The following PPARGC1A variants were observed in gnomAD, a reference collection of about 807,000 sequenced individuals.
PPARGC1A encodes the protein PPARG coactivator 1 alpha, also known as peroxisome proliferator-activated receptor gamma coactivator 1-alpha.
A neutral mutation model predicts 88.7 loss-of-function variants in PPARGC1A; 25 were observed. That is an observed-to-expected ratio of 0.28 (90% CI 0.21 to 0.39). The LOEUF (loss-of-function observed/expected upper bound fraction) is 0.39. PPARGC1A is among the 10% of genes least tolerant of loss of function. PPARGC1A has a pLI of 1.00. For synonymous variants in PPARGC1A, 363 were observed against 355.6 expected, an observed-to-expected ratio of 1.02 and a Z score of -0.24; for missense variants, 880 against 968.7, an observed-to-expected ratio of 0.91 and a Z score of 1.22.
chr4:24,360,984 T>A, the PPARGC1A span, among the ~76,000 whole-genome samples: 1 of 152,160 alleles, frequency 6.6e-6, no homozygotes, highest in Middle Eastern at 3.2e-3. Flanking sequence ...ACAAAGGAGA[T>A]GCCCCTTGAA....
At chr4:23,913,926 T>A in the PPARGC1A span, among the ~76,000 whole-genome samples, 1 of 152,180 alleles carries the variant, frequency 6.6e-6, no homozygotes. Context: ...ACGGTGAAGA[T>A]GAAAAAGACA....
At chr4:24,077,627 GTGTGTGTGTGTGT>G in the PPARGC1A span, among the ~76,000 whole-genome samples, 1 of 22,168 alleles carries the variant, frequency 4.5e-5, no homozygotes, top group East Asian at 4.7e-3. Context: ...GTCTAGGGGT[GTGTGTGTGTGTGT>G]GTGTGTGTGT....
intron 2 of PPARGC1A, among the ~76,000 whole-genome samples, chr4:23,867,548 T>C (rs1712286497): frequency 6.6e-6 from 1 of 152,192 alleles, no homozygotes; most frequent in South Asian, 2.1e-4. Flanking sequence ...AAAATAGCAG[T>C]GATGTCCATA....
At chr4:24,218,441 A>G in the PPARGC1A span, among the ~76,000 whole-genome samples, 1 of 152,272 alleles carries the variant, frequency 6.6e-6, no homozygotes, top group Non-Finnish European at 1.5e-5. Context: ...CAGAGAAACT[A>G]GCAGGTGGAT....
At chr4:23,937,087 C>T in the PPARGC1A span, among the ~76,000 whole-genome samples, 3 of 151,818 alleles carry the variant, frequency 2.0e-5, no homozygotes, top group South Asian at 6.3e-4. Flanking sequence ...CAACAAACCA[C>T]TAATTTCATG....
chr4:23,947,526 C>T, the PPARGC1A span, among the ~76,000 whole-genome samples: 2 of 151,612 alleles, frequency 1.3e-5, no homozygotes, highest in Non-Finnish European at 1.5e-5. Context: ...CATCTTCATC[C>T]ACCCCTCAAG....
At chr4:24,016,030 T>C in the PPARGC1A span, among the ~76,000 whole-genome samples, 1 of 152,150 alleles carries the variant, frequency 6.6e-6, no homozygotes, top group Non-Finnish European at 1.5e-5. Flanking sequence ...TTTGATAAAA[T>C]CACTGCCAAT....
Position 23,846,339 on chromosome 4 carries a change from G to A in PPARGC1A, c.235-14588C>T, listed in dbSNP as rs147601835. On this transcript the variant is annotated intron_variant, in intron 2 of 12. Coordinates refer to ENST00000264867, the MANE Select transcript of PPARGC1A (RefSeq NM_013261.5). ...AAAGGGTTAAACAAACTTTCTCAAT[G>A]TCCTCTGGTAACTGATCTAATTCTA... Among the ~76,000 whole-genome samples the A allele has an allele frequency of 4.7e-3, 713 of 152,282 alleles. 4 individuals carry two copies. The highest frequency in any genetic ancestry group is 0.016 in the African/African-American group (680 of 41,554).
At chr4:24,063,813 A>C in the PPARGC1A span, among the ~76,000 whole-genome samples, 25 of 152,036 alleles carry the variant, frequency 1.6e-4, no homozygotes, top group Admixed American at 1.6e-3. Flanking sequence ...TTTCATTTTT[A>C]CTGGTGACCT....
the PPARGC1A span, among the ~76,000 whole-genome samples, chr4:23,990,800 G>C: frequency 6.6e-6 from 1 of 152,048 alleles, no homozygotes; most frequent in African/African-American, 2.4e-5. Context: ...TTTGTAATCA[G>C]TTCTTTTAAC....
At chr4:24,288,489 T>A in the PPARGC1A span, among the ~76,000 whole-genome samples, 1 of 152,216 alleles carries the variant, frequency 6.6e-6, no homozygotes, top group African/African-American at 2.4e-5. Flanking sequence ...GAGTTCAAGA[T>A]GAAAGGCTCA....
At chr4:23,890,237 G>C, upstream of PPARGC1A, 1 of 444,512 alleles carries the variant, frequency 2.2e-6, no homozygotes, top group South Asian at 1.1e-4. Flanking sequence ...AAAAAAGAAA[G>C]AAAAAGAAAA....
the PPARGC1A span, among the ~76,000 whole-genome samples, chr4:24,317,980 G>A: frequency 1.3e-5 from 2 of 152,184 alleles, no homozygotes; most frequent in Non-Finnish European, 2.9e-5. Context: ...GGTAACTATG[G>A]GGTAAAAGGT....
chr4:24,138,177 T>C, the PPARGC1A span, among the ~76,000 whole-genome samples: 1 of 152,180 alleles, frequency 6.6e-6, no homozygotes, highest in South Asian at 2.1e-4. Context: ...ACTGCCAGGT[T>C]TGCAGTTAAC....
the PPARGC1A span, among the ~76,000 whole-genome samples, chr4:24,090,989 A>T: frequency 6.6e-6 from 1 of 152,262 alleles, no homozygotes; most frequent in African/African-American, 2.4e-5. Context: ...TTATGAGTTC[A>T]GCATAAATAA....
Position 23,831,702 on chromosome 4 carries a change from G to T in PPARGC1A, c.284C>A (p.Thr95Lys), listed in dbSNP as rs759753596. Reference protein sequence around the residue: ...EANLLAVLTETLDSLPVDEDG... With the variant: ...EANLLAVLTEKLDSLPVDEDG... ...TTCATCCACAGGGAGACTGTCTAGT[G>T]TCTCTGTGAGGACTGCTAGCAAGTT... is the stretch of plus-strand genomic sequence containing the variant. Residue 95 changes from threonine (T) to lysine (K), a missense_variant, in exon 3 of 13, where the codon ACA (threonine) becomes AAA (lysine). Thr to Lys is a moderately conservative substitution (Grantham distance 78). Transcript: ENST00000264867. 1 of 1,613,878 alleles carries T rather than the reference G, an allele frequency of 6.2e-7. No homozygotes were observed. The highest frequency in any genetic ancestry group is 8.5e-7 in the Non-Finnish European group (1 of 1,179,758).
chr4:24,260,041 A>C, the PPARGC1A span, among the ~76,000 whole-genome samples: 1 of 151,678 alleles, frequency 6.6e-6, no homozygotes, highest in Non-Finnish European at 1.5e-5. Context: ...CAAGAGTAAA[A>C]TAAAGCTTAA....
chr4:24,306,247 A>G, the PPARGC1A span, among the ~76,000 whole-genome samples: 1 of 152,228 alleles, frequency 6.6e-6, no homozygotes, highest in Non-Finnish European at 1.5e-5. Flanking sequence ...AACAGGGAAA[A>G]TCATGGTCAC....
chr4:24,281,761 C>G, the PPARGC1A span, among the ~76,000 whole-genome samples: 11 of 152,238 alleles, frequency 7.2e-5, no homozygotes, highest in East Asian at 2.1e-3. Context: ...CCCCCCACCC[C>G]CAATCTTTTA....
Sources: gnomAD v4.1 joint callset for allele counts (sites outside exome capture counted in the v4.1 genomes callset) on GRCh38, gnomAD v4.1.1 for gene constraint, MANE v1.5 for transcripts, NCBI Gene and HGNC (gene_info 2026-07-23, HGNC 2026-07-21) for gene names.